PIEZO2: variants seen among roughly 807,000 people sequenced by gnomAD.
The protein encoded by PIEZO2 is piezo-type mechanosensitive ion channel component 2.
In PIEZO2, 172 loss-of-function variants were observed where a neutral mutation model predicts 337.3. The ratio of observed to expected loss-of-function variants is 0.51; its 90% confidence interval spans 0.45 to 0.58. PIEZO2 has a LOEUF of 0.58. Ranked by LOEUF, PIEZO2 falls within the 20% of genes least tolerant of loss-of-function variation. PIEZO2 has a pLI of 0.00. For synonymous variants in PIEZO2, 1,251 were observed against 1,228.5 expected (o/e 1.02, Z -0.38); for missense variants, 3,028 against 3,391.3 (o/e 0.89, Z 2.66).
chr18:11,053,463 A>C (rs1162042329), intron 2 of PIEZO2, among the ~76,000 whole-genome samples: 1 of 152,154 alleles, frequency 6.6e-6, no homozygotes, highest in Admixed American at 6.5e-5. Flanking sequence ...CCCACTTAAA[A>C]ATTTATTAGA....
intron 3 of PIEZO2, among the ~76,000 whole-genome samples, chr18:10,965,325 C>T (rs1412684438): frequency 1.3e-5 from 2 of 152,144 alleles, no homozygotes. Context: ...TCATTTGTTT[C>T]TTATTATAGC....
At chr18:10,931,086 AGGGTCT>A (rs1480442552) in intron 3 of PIEZO2, among the ~76,000 whole-genome samples, 4 of 152,126 alleles carry the variant, frequency 2.6e-5, no homozygotes, top group African/African-American at 9.7e-5. Flanking sequence ...ATGATTTGGT[AGGGTCT>A]GAGGTGTAGA....
chr18:10,893,339 C>T (rs1424509299), intron 4 of PIEZO2, among the ~76,000 whole-genome samples: 2 of 152,196 alleles, frequency 1.3e-5, no homozygotes, highest in Non-Finnish European at 2.9e-5. Flanking sequence ...CCTTCTGCTC[C>T]AGCCAGGTCA....
In PIEZO2 at chr18:10,770,294, A is replaced by G; in HGVS notation, c.2800T>C (p.Trp934Arg). 6.5e-7 allele frequency: 1 copy of G among 1,537,522 alleles called. No homozygotes were observed. ...EEETSDLRNK[W>R]HLVIDRLTVL... ...GTGAGGCGGTCAATCACCAGGTGCCATTTGTTCCTTAAGTCTGCAAAATAG... is the reference window on the plus strand; with the variant it reads ...GTGAGGCGGTCAATCACCAGGTGCCGTTTGTTCCTTAAGTCTGCAAAATAG... Residue 934 changes from tryptophan (W) to arginine (R), a missense_variant, in exon 21 of 56, where the codon TGG becomes CGG. Physicochemically the swap from Trp to Arg is moderately radical, Grantham distance 101. Around this residue, in one of 5 missense-constraint regions of PIEZO2, gnomAD observed 1,925 missense variants for 2,051.9 expected, o/e 0.94. Coordinates refer to ENST00000674853, the MANE Select transcript of PIEZO2 (RefSeq NM_001378183.1).
At chr18:10,721,024 A>C (rs1179535128) in intron 36 of PIEZO2, among the ~76,000 whole-genome samples, 1 of 152,136 alleles carries the variant, frequency 6.6e-6, no homozygotes, top group African/African-American at 2.4e-5. Flanking sequence ...ACATTAATTT[A>C]TCTCTACTTT....
chr18:10,998,153 C>T (rs755733271), intron 2 of PIEZO2, among the ~76,000 whole-genome samples: 1 of 151,992 alleles, frequency 6.6e-6, no homozygotes, highest in Non-Finnish European at 1.5e-5. Context: ...GAATTTTATA[C>T]CCTGTGAAAC....
chr18:10,741,115 A>G lies in PIEZO2; in HGVS notation c.4637-13T>C. The G allele has an allele frequency of 6.5e-7, 1 of 1,531,152 alleles. No individual in the cohort carries two copies. Among genetic ancestry groups the G allele is most frequent in the Non-Finnish European group, 8.7e-7 (1 of 1,144,436 alleles). The allele number at this position is 1,531,152 out of a possible 1,614,324, so 94.8% of individuals were successfully genotyped here. ...TTGTCTGCTTCTCCTAAAATAAAAT[A>G]CGTCCACATATTAATTCGTATAAAG... On this transcript the variant is annotated splice_polypyrimidine_tract_variant and intron_variant, in intron 32 of 55. Transcript: ENST00000674853.
At chr18:10,950,078 A>T (rs987016651) in intron 3 of PIEZO2, among the ~76,000 whole-genome samples, 3 of 152,214 alleles carry the variant, frequency 2.0e-5, no homozygotes, top group African/African-American at 7.2e-5. Context: ...AACTCGATTT[A>T]CATTTGGTAA....
intron 49 of PIEZO2, among the ~76,000 whole-genome samples, chr18:10,683,136 C>A (rs970612767): frequency 1.3e-5 from 2 of 152,264 alleles, no homozygotes; most frequent in South Asian, 4.1e-4. Flanking sequence ...ATGGGGTCAA[C>A]CCCACTCCCC....
At chr18:10,907,881 C>T (rs1291837898) in intron 4 of PIEZO2, among the ~76,000 whole-genome samples, 1 of 152,138 alleles carries the variant, frequency 6.6e-6, no homozygotes, top group South Asian at 2.1e-4. Flanking sequence ...ATTGAGTCTG[C>T]TTTTGTTATG....
chr18:10,672,998 G>T lies in PIEZO2; in HGVS notation c.8162-125C>A. The T allele has an allele frequency of 1.3e-6, 1 of 747,798 alleles. No individual in the cohort carries two copies. The highest frequency in any genetic ancestry group is 2.1e-6 in the Non-Finnish European group (1 of 467,390). The allele number at this position is 747,798 out of a possible 1,614,324, so 46.3% of individuals were successfully genotyped here. On this transcript the variant is annotated intron_variant, in intron 54 of 55. Transcript: ENST00000674853. The surrounding 1 kb of genome is among the most constrained non-coding windows in gnomAD (Gnocchi z 4.7). ...CATAAGGTTCTAGGATGAAAAGGAT[G>T]CATGGACATACTAGAAGCGTGAATG...
At chr18:10,802,787 T>C (rs968664442) in intron 9 of PIEZO2, among the ~76,000 whole-genome samples, 4 of 152,028 alleles carry the variant, frequency 2.6e-5, no homozygotes, top group African/African-American at 9.7e-5. Flanking sequence ...CAGGGCAACA[T>C]GGCAAAACCA....
intron 27 of PIEZO2, among the ~76,000 whole-genome samples, chr18:10,753,127 C>T (rs966216829): frequency 7.2e-5 from 11 of 152,206 alleles, no homozygotes; most frequent in Non-Finnish European, 1.3e-4. Context: ...CAAACAACAA[C>T]ATTTTCTGCC....
At chr18:10,976,093 T>C (rs2034432001) in intron 3 of PIEZO2, among the ~76,000 whole-genome samples, 1 of 152,202 alleles carries the variant, frequency 6.6e-6, no homozygotes, top group South Asian at 2.1e-4. Flanking sequence ...TGAAGTCAAC[T>C]CTAAATTAAA....
rs1436705373 is a variant in PIEZO2, at chr18:10,726,563, G to T, written c.5029+4844C>A. The stretch of plus-strand genomic sequence containing the variant: ...TGCTACACCAGCCGCCACGCTGTGC[G>T]TCTGTCCTTCCGCCAGCTCTTCCAG... On this transcript the variant is annotated intron_variant, in intron 36 of 55. Coordinates refer to ENST00000674853, the MANE Select transcript of PIEZO2 (RefSeq NM_001378183.1). The surrounding 1 kb of genome is among the most constrained non-coding windows in gnomAD (Gnocchi z 5.9). 19 of 1,411,266 alleles carry T rather than the reference G, an allele frequency of 1.3e-5. No individual in the cohort carries two copies. The allele number at this position is 1,411,266 out of a possible 1,614,324, so 87.4% of individuals were successfully genotyped here.
At chr18:10,729,633 A>AG (rs1357778789) in intron 36 of PIEZO2, among the ~76,000 whole-genome samples, 71 of 151,484 alleles carry the variant, frequency 4.7e-4, no homozygotes, top group African/African-American at 1.6e-3. Context: ...CAAAAAAAAA[A>AG]AAAAAAGAAA....
intron 2 of PIEZO2, among the ~76,000 whole-genome samples, chr18:11,042,978 A>G (rs2037176792): frequency 6.6e-6 from 1 of 152,228 alleles, no homozygotes; most frequent in Non-Finnish European, 1.5e-5. Flanking sequence ...ACAAAAATAT[A>G]TTATCCAAAA....
intron 27 of PIEZO2, among the ~76,000 whole-genome samples, chr18:10,756,798 G>C (rs1018250011): frequency 1.3e-5 from 2 of 149,966 alleles, no homozygotes; most frequent in African/African-American, 4.9e-5. Context: ...AGGGGGGATG[G>C]AGAATGAGGA....
chr18:10,855,145 T>C lies in PIEZO2; in HGVS notation c.917+208A>G, dbSNP rs964402169. 1.3e-5 allele frequency among the ~76,000 whole-genome samples: 2 copies of C among 152,158 alleles called. No individual in the cohort carries two copies. Among genetic ancestry groups the C allele is most frequent in the Admixed American group, 6.5e-5 (1 of 15,272 alleles). On this transcript the variant is annotated intron_variant, in intron 7 of 55. Coordinates refer to ENST00000674853, the MANE Select transcript of PIEZO2 (RefSeq NM_001378183.1). This position sits in a 1 kb window ranked among gnomAD's most constrained non-coding sequence, Gnocchi z 4.9. Reference sequence around the variant, plus strand: ...CTCCTGCATCCCAGCGGCATCTCCATCTGAAGAGACCACTGTCTTCCTTCC... The same window carrying C: ...CTCCTGCATCCCAGCGGCATCTCCACCTGAAGAGACCACTGTCTTCCTTCC...
Sources: allele counts gnomAD v4.1 joint callset (sites outside exome capture counted in the v4.1 genomes callset), GRCh38; gene constraint gnomAD v4.1.1; regional missense constraint gnomAD v4.1.1; non-coding constraint Gnocchi (gnomAD v3.1); transcripts MANE v1.5; gene names NCBI Gene and HGNC (gene_info 2026-07-23, HGNC 2026-07-21).